MACC1: variants seen among roughly 807,000 people sequenced by gnomAD.
MACC1 encodes metastasis-associated in colon cancer protein 1.
MACC1 carries 79 observed loss-of-function variants against 70.7 expected under a neutral mutation model. The observed-to-expected ratio is 1.12, with a 90% CI of 0.93 to 1.35. The LOEUF (loss-of-function observed/expected upper bound fraction) is 1.35. Among genes scored for constraint, MACC1 ranks in the 40% most tolerant of loss-of-function variants. The pLI, the probability that MACC1 is intolerant of heterozygous loss-of-function variation, is 0.00. For missense variants in MACC1, 1,106 were observed against 978.1 expected, an observed-to-expected ratio of 1.13 and a Z score of -1.74; for synonymous variants, 361 against 347.2, an observed-to-expected ratio of 1.04 and a Z score of -0.44.
chr7:20,144,888 G>A (rs909480385), intron 6 of MACC1, among the ~76,000 whole-genome samples: 54 of 152,240 alleles, frequency 3.5e-4, no homozygotes, highest in African/African-American at 1.2e-3. Flanking sequence ...AGAAATAGAC[G>A]CAATAAAAGG....
intron 2 of MACC1, among the ~76,000 whole-genome samples, chr7:20,166,854 A>G (rs1782227750): frequency 6.6e-6 from 1 of 152,220 alleles, no homozygotes; most frequent in African/African-American, 2.4e-5. Context: ...CAGGAAAATC[A>G]TAATAATTGT....
Position 20,159,911 on chromosome 7 carries a change from T to G in MACC1, c.450A>C (p.Thr150=). The change falls in exon 5 of 7, where the codon ACA becomes ACC. Residue 150 remains threonine (T), a synonymous_variant. Coordinates refer to ENST00000400331, the MANE Select transcript of MACC1 (RefSeq NM_182762.4). ...VSELLDILDD[T]AHAHQSIHNS... ...TATGTATACTCTGATGGGCATGTGC[T>G]GTGTCGTCTAAAATGTCCAGAAGTT... 1 of 1,614,156 alleles carries G rather than the reference T, an allele frequency of 6.2e-7. No homozygotes were observed.
intron 1 of MACC1, among the ~76,000 whole-genome samples, chr7:20,214,269 C>A (rs1583416060): frequency 1.3e-5 from 2 of 152,244 alleles, no homozygotes; most frequent in African/African-American, 4.8e-5. Context: ...GCATTATCAT[C>A]CAAAATCCCC....
chr7:20,157,807 C>T (rs909887551), intron 5 of MACC1, among the ~76,000 whole-genome samples: 3 of 150,858 alleles, frequency 2.0e-5, no homozygotes, highest in African/African-American at 7.3e-5. Flanking sequence ...GAAAAAAATC[C>T]CACACACACT....
chr7:20,200,523 G>A (rs1015126393), intron 1 of MACC1, among the ~76,000 whole-genome samples: 4 of 152,316 alleles, frequency 2.6e-5, no homozygotes, highest in Non-Finnish European at 5.9e-5. Flanking sequence ...GCAAGAGTGC[G>A]TAGGTTAATT....
Position 20,138,748 on chromosome 7 carries a change from C to CT in MACC1, c.*2197dup, listed in dbSNP as rs907256307. ...AGTGCAGTGGCATGAACTCGGCTCA[C>CT]TGCAAGCTCCGCCTCCCGGGTTCAC... On this transcript the variant is annotated 3_prime_UTR_variant, in exon 7 of 7. Transcript: ENST00000400331. 1 of 151,820 alleles carries CT rather than the reference C, an allele frequency of 6.6e-6. No individual in the cohort carries two copies. The highest frequency in any genetic ancestry group is 2.4e-5 in the African/African-American group (1 of 41,286). 9.4% of individuals were successfully genotyped at this position (151,820 alleles called of 1,614,324 possible). A position where few individuals can be genotyped will look rare whatever the true frequency, so the allele number is the denominator to read the frequency against.
In MACC1 at chr7:20,138,283, A is replaced by AT. The variant is rs1413666296; in HGVS notation, c.*2662dup. On this transcript the variant is annotated 3_prime_UTR_variant, in exon 7 of 7. Coordinates refer to ENST00000400331, the MANE Select transcript of MACC1 (RefSeq NM_182762.4). Reference sequence around the variant, plus strand: ...TCAAATTACAGAGATCTTGTTTTTCATTTTTTTAAACTCTTATTATTCTCA... The same window carrying AT: ...TCAAATTACAGAGATCTTGTTTTTCATTTTTTTTAAACTCTTATTATTCTCA... 1 of 150,878 alleles carries AT rather than the reference A, an allele frequency of 6.6e-6. No individual in the cohort carries two copies. The highest frequency in any genetic ancestry group is 2.4e-5 in the African/African-American group (1 of 41,158). 9.3% of individuals were successfully genotyped at this position (150,878 alleles called of 1,614,324 possible).
chr7:20,216,689 C>T (rs1031867403), intron 1 of MACC1, among the ~76,000 whole-genome samples: 1 of 152,152 alleles, frequency 6.6e-6, no homozygotes, highest in Admixed American at 6.5e-5. Flanking sequence ...CATGTATCAT[C>T]TGTCTATTCA....
At chr7:20,154,515 A>C in intron 5 of MACC1, 134 bp from the exon 6 acceptor site, 1 of 901,200 alleles carries the variant, frequency 1.1e-6, no homozygotes, top group East Asian at 2.7e-5. Context: ...AGTTTTCTAA[A>C]GCTCAAGGAG....
At chr7:20,163,581 A>T (rs1223095449) in intron 3 of MACC1, among the ~76,000 whole-genome samples, 1 of 152,244 alleles carries the variant, frequency 6.6e-6, no homozygotes, top group Non-Finnish European at 1.5e-5. Context: ...GTATCATACA[A>T]CTATTGAAAC....
At chr7:20,190,682 A>T (rs1478678695) in intron 1 of MACC1, among the ~76,000 whole-genome samples, 1 of 152,238 alleles carries the variant, frequency 6.6e-6, no homozygotes, top group African/African-American at 2.4e-5. Context: ...AAACGAAAAA[A>T]AATGGAAAGG....
chr7:20,198,695 G>T (rs1038394985), intron 1 of MACC1: 4 of 152,096 alleles, frequency 2.6e-5, no homozygotes, highest in African/African-American at 7.2e-5. Context: ...TTTTTACAGG[G>T]TTATCAATTT....
At chr7:20,200,517 G>C (rs556074415) in intron 1 of MACC1, among the ~76,000 whole-genome samples, 61 of 152,336 alleles carry the variant, frequency 4.0e-4, no homozygotes, top group African/African-American at 1.4e-3. Flanking sequence ...TAACAGGCAA[G>C]AGTGCGTAGG....
intron 1 of MACC1, among the ~76,000 whole-genome samples, chr7:20,204,397 AC>A (rs1315744078): frequency 1.3e-5 from 2 of 151,680 alleles, no homozygotes; most frequent in Non-Finnish European, 2.9e-5. Context: ...CTCATGATCC[AC>A]CCGCCTTGGC....
intron 6 of MACC1, among the ~76,000 whole-genome samples, chr7:20,152,593 GAACTATCATAGA>G (rs1781996992): frequency 6.6e-6 from 1 of 152,118 alleles, no homozygotes; most frequent in South Asian, 2.1e-4. Flanking sequence ...ACAATAAGTT[GAACTATCATAGA>G]AAGACACCTA....
intron 4 of MACC1, 106 bp from the exon 5 acceptor site, chr7:20,160,351 AT>A (rs1192880199): frequency 1.5e-6 from 2 of 1,355,698 alleles, no homozygotes; most frequent in African/African-American, 1.5e-5. Flanking sequence ...CTTACTTTTC[AT>A]TTTTCTTTCT....
chr7:20,212,903 C>T (rs972282520), intron 1 of MACC1, among the ~76,000 whole-genome samples: 4 of 151,964 alleles, frequency 2.6e-5, no homozygotes, highest in African/African-American at 7.2e-5. Flanking sequence ...AGAATACTAG[C>T]GGGAGTGGCT....
chr7:20,152,498 T>C (rs962247340), intron 6 of MACC1, among the ~76,000 whole-genome samples: 1 of 152,192 alleles, frequency 6.6e-6, no homozygotes, highest in Non-Finnish European at 1.5e-5. Flanking sequence ...CTGTATATTA[T>C]TTGGAATGAC....
chr7:20,201,241 C>T (rs1782829458), intron 1 of MACC1, among the ~76,000 whole-genome samples: 1 of 152,122 alleles, frequency 6.6e-6, no homozygotes, highest in African/African-American at 2.4e-5. Flanking sequence ...AGACTGTCCC[C>T]CCCATGGACT....
Sources: allele counts gnomAD v4.1 joint callset (sites outside exome capture counted in the v4.1 genomes callset), GRCh38; gene constraint gnomAD v4.1.1; transcripts MANE v1.5; gene names NCBI Gene and HGNC (gene_info 2026-07-23, HGNC 2026-07-21).